CTPS1: variants seen among roughly 807,000 people sequenced by gnomAD.
The protein encoded by CTPS1 is CTP synthase 1, also known as CTP synthetase 1.
In CTPS1, 25 loss-of-function variants were observed where a neutral mutation model predicts 80.5. That is an observed-to-expected ratio of 0.31 (90% CI 0.23 to 0.43). CTPS1 has a LOEUF of 0.43. Ranked by LOEUF, CTPS1 falls within the 20% of genes least tolerant of loss-of-function variation. CTPS1 has a pLI of 1.00. For synonymous variants in CTPS1, 267 were observed against 252.5 expected (o/e 1.06, Z -0.54); for missense variants, 442 against 725.7 (o/e 0.61, Z 4.49).
rs193191394 is a variant in CTPS1, at chr1:41,003,246, G to A, written c.1252+70G>A. On this transcript the variant is annotated intron_variant, in intron 12 of 18. Transcript: ENST00000650070. Reference sequence around the variant, plus strand: ...TCTGGAGGATATGAGGCCTGTTGCCGCCTGGGTGATCAGGAGCTTTGGAGA... The same window carrying A: ...TCTGGAGGATATGAGGCCTGTTGCCACCTGGGTGATCAGGAGCTTTGGAGA... The A allele has an allele frequency of 3.8e-5, 59 of 1,547,494 alleles. No homozygotes were observed. The East Asian group carries it at 9.7e-4, about 25-fold the overall frequency.
intron 7 of CTPS1, among the ~76,000 whole-genome samples, chr1:40,994,907 T>C (rs1247803601): frequency 1.3e-5 from 2 of 152,234 alleles, no homozygotes; most frequent in South Asian, 2.1e-4. Flanking sequence ...ACTGAGGGAA[T>C]TGTTTTCCTC....
chr1:40,990,631 AAG>A (rs1491085307), intron 5 of CTPS1, among the ~76,000 whole-genome samples: 3 of 151,950 alleles, frequency 2.0e-5, no homozygotes, highest in African/African-American at 4.8e-5. Context: ...TTTAAAAAAA[AAG>A]AAAAAGTCCA....
chr1:40,997,346 G>A (rs1342924584), intron 8 of CTPS1, 48 bp from the exon 9 acceptor site: 1 of 1,593,980 alleles, frequency 6.3e-7, no homozygotes, highest in Non-Finnish European at 8.5e-7. Context: ...TCTCATGATA[G>A]CGTGTACCTT....
intron 3 of CTPS1, among the ~76,000 whole-genome samples, 164 bp from the exon 4 acceptor site, chr1:40,987,208 G>A (rs12044786): frequency 0.25 from 38,525 of 152,090 alleles, 5,104 homozygotes; most frequent in East Asian, 0.42. Flanking sequence ...TGAGCTCAGA[G>A]ATTTGTTGAG....
intron 7 of CTPS1, among the ~76,000 whole-genome samples, chr1:40,993,139 C>T (rs1232537625): frequency 1.3e-5 from 2 of 152,048 alleles, no homozygotes; most frequent in Non-Finnish European, 2.9e-5. Flanking sequence ...GAACCTCCAC[C>T]TGCTGGGTTC....
chr1:40,981,511 G>T (rs1642290130), intron 1 of CTPS1, among the ~76,000 whole-genome samples: 1 of 152,104 alleles, frequency 6.6e-6, no homozygotes, highest in African/African-American at 2.4e-5. Context: ...TATATGTCTG[G>T]TTAGAACATA....
In CTPS1 at chr1:41,007,674, C is replaced by T. The variant is rs1643068423; in HGVS notation, c.1393+129C>T. The T allele has an allele frequency of 2.7e-5, 19 of 693,944 alleles. No homozygotes were observed. The South Asian group carries it at 3.3e-4, about 12-fold the overall frequency. 43.0% of individuals were successfully genotyped at this position (693,944 alleles called of 1,614,324 possible). On this transcript the variant is annotated intron_variant, in intron 14 of 18. Transcript: ENST00000650070. This position sits in a 1 kb window ranked among gnomAD's most constrained non-coding sequence, Gnocchi z 4.4. ...TTCGTTCTTGCTTTTGAAGTTCATT[C>T]TTTCCTCTCTTATTCATACCCTTTT...
At position 40,990,056 on chromosome 1, in the gene CTPS1, A is replaced by G. The variant is rs1181156054; in HGVS notation, c.556-1109A>G. 4.0e-5 allele frequency among the ~76,000 whole-genome samples: 6 copies of G among 151,236 alleles called. No homozygotes were observed. In the East Asian group the frequency reaches 9.7e-4, roughly 24 times the overall value. ...CCCAGGGGTCAGCAAATGATGGCCT[A>G]TGGGCCACATGAACCTACCCCCCCG... is the stretch of plus-strand genomic sequence containing the variant. On this transcript the variant is annotated intron_variant, in intron 5 of 18. Coordinates refer to ENST00000650070, the MANE Select transcript of CTPS1 (RefSeq NM_001905.4).
intron 5 of CTPS1, 128 bp downstream of exon 5, chr1:40,988,838 T>A: frequency 3.1e-6 from 2 of 653,966 alleles, no homozygotes; most frequent in East Asian, 5.2e-5. Flanking sequence ...AATAAAGAAC[T>A]TTGTAAGTTT....
chr1:41,009,495 C>A lies in CTPS1; in HGVS notation c.1597C>A (p.Pro533Thr). 6.2e-7 allele frequency: 1 copy of A among 1,613,142 alleles called. No individual in the cohort carries two copies. Among genetic ancestry groups the A allele is most frequent in the Non-Finnish European group, 8.5e-7 (1 of 1,179,692 alleles). Residue 533 changes from proline to threonine, a missense_variant, in exon 17 of 19, where the codon CCT (proline) becomes ACT (threonine). By Grantham distance (38) the Pro-to-Thr change is conservative. Transcript: ENST00000650070. ...VQYHPEFLSR[P>T]IKPSPPYFGL... The stretch of plus-strand genomic sequence containing the variant: ...GTACCACCCTGAGTTCCTGTCCAGG[C>A]CTATCAAGCCCTCCCCACCATACTT...
intron 11 of CTPS1, among the ~76,000 whole-genome samples, chr1:41,002,857 A>G (rs1202397122): frequency 6.6e-6 from 1 of 152,204 alleles, no homozygotes; most frequent in East Asian, 1.9e-4. Flanking sequence ...GGAAAAAAGT[A>G]CTGAATAGAA....
At chr1:40,990,503 G>A (rs1399228310) in intron 5 of CTPS1, among the ~76,000 whole-genome samples, 1 of 152,140 alleles carries the variant, frequency 6.6e-6, no homozygotes, top group African/African-American at 2.4e-5. Flanking sequence ...TTCTAGTGGA[G>A]GCTGAGCATG....
intron 14 of CTPS1, 59 bp from the exon 15 acceptor site, chr1:41,008,600 T>C: frequency 6.5e-7 from 1 of 1,548,014 alleles, no homozygotes. Context: ...AGGATGTCTT[T>C]GTGAACGCAT....
In CTPS1 at chr1:40,995,967, A is replaced by G; in HGVS notation, c.771A>G (p.Leu257=). 1 of 1,614,082 alleles carries G rather than the reference A, an allele frequency of 6.2e-7. No individual in the cohort carries two copies. Among genetic ancestry groups the G allele is most frequent in the Non-Finnish European group, 8.5e-7 (1 of 1,179,966 alleles). The change falls in exon 8 of 19, where the codon TTA becomes TTG. Residue 257 remains leucine, a synonymous_variant. Coordinates refer to ENST00000650070, the MANE Select transcript of CTPS1 (RefSeq NM_001905.4). Reference sequence around the variant, plus strand: ...CCATCTACCGAGTCCCCTTGTTGTTAGAGGAGCAAGGGGTTGTAGATTATT... The same window carrying G: ...CCATCTACCGAGTCCCCTTGTTGTTGGAGGAGCAAGGGGTTGTAGATTATT... The part of the protein sequence containing the change: ...VSSIYRVPLL[L]EEQGVVDYFL...
intron 1 of CTPS1, among the ~76,000 whole-genome samples, chr1:40,981,595 G>A (rs1444063581): frequency 6.6e-6 from 1 of 152,146 alleles, no homozygotes; most frequent in African/African-American, 2.4e-5. Context: ...GGTCAGATAA[G>A]CTTGGAGACA....
intron 13 of CTPS1, 99 bp downstream of exon 13, chr1:41,006,193 A>T: frequency 9.8e-7 from 1 of 1,019,622 alleles, no homozygotes; most frequent in South Asian, 1.4e-5. Flanking sequence ...AGACTGCTTG[A>T]GTCCATCCCA....
At position 41,010,173 on chromosome 1, in the gene CTPS1, T is replaced by G. The variant is rs747605849; in HGVS notation, c.1704T>G (p.Ser568Arg). ...GCRLSPRDTY[S>R]DRSGSSSPDS... ...CTGAATTCTACAGGGACACCTATAG[T>G]GACAGGAGTGGAAGCAGCTCCCCTG... is the stretch of plus-strand genomic sequence containing the variant. Residue 568 changes from serine to arginine, a missense_variant, in exon 18 of 19, where the codon AGT (serine) becomes AGG (arginine). Ser to Arg is a moderately radical substitution (Grantham distance 110). Transcript: ENST00000650070. 6.2e-7 allele frequency: 1 copy of G among 1,613,448 alleles called. No homozygotes were observed. The highest frequency in any genetic ancestry group is 1.1e-5 in the South Asian group (1 of 91,060).
At position 41,006,027 on chromosome 1, in the gene CTPS1, A is replaced by G. The variant is rs149945836; in HGVS notation, c.1253-24A>G. 4.7e-3 allele frequency: 7,499 copies of G among 1,594,578 alleles called. 26 individuals carry two copies. Among genetic ancestry groups the G allele is most frequent in the Non-Finnish European group, 5.9e-3 (6,851 of 1,162,252 alleles). On this transcript the variant is annotated intron_variant, in intron 12 of 18. Coordinates refer to ENST00000650070, the MANE Select transcript of CTPS1 (RefSeq NM_001905.4). ...ATCACTTTCGTTTGTAACTATTTTC[A>G]TAACAAGTATTTTGGTATTTCAGAT... is the stretch of plus-strand genomic sequence containing the variant.
chr1:40,997,304 T>G, intron 8 of CTPS1, 90 bp from the exon 9 acceptor site: 2 of 1,458,172 alleles, frequency 1.4e-6, no homozygotes, highest in Non-Finnish European at 1.9e-6. Context: ...TGGCCAGACG[T>G]GGTTTTTTTT....
Sources: allele counts gnomAD v4.1 joint callset (sites outside exome capture counted in the v4.1 genomes callset), GRCh38; gene constraint gnomAD v4.1.1; non-coding constraint Gnocchi (gnomAD v3.1); transcripts MANE v1.5; gene names NCBI Gene and HGNC (gene_info 2026-07-23, HGNC 2026-07-21).